The following ODF2 variants were observed in gnomAD, a reference collection of about 807,000 sequenced individuals.
ODF2 encodes the protein outer dense fiber protein 2.
A neutral mutation model predicts 110.2 loss-of-function variants in ODF2; 47 were observed. The ratio of observed to expected loss-of-function variants is 0.43; its 90% confidence interval spans 0.34 to 0.54. ODF2 has a LOEUF of 0.54. ODF2 is among the 20% of genes least tolerant of loss of function. ODF2 has a pLI of 0.03. For synonymous variants in ODF2, 352 were observed against 397.7 expected (o/e 0.89, Z 1.37); for missense variants, 812 against 1,054.5 (o/e 0.77, Z 3.19).
intron 18 of ODF2, 168 bp downstream of exon 18, chr9:128,496,309 G>A (rs780577500): frequency 7.3e-5 from 109 of 1,486,226 alleles, no homozygotes; most frequent in Non-Finnish European, 9.5e-5. Context: ...TAAGCATTGT[G>A]GGAGAGAGCA....
At chr9:128,473,024 C>T (rs778817799) in exon 7 of ODF2, 1 of 1,614,042 alleles carries the variant, frequency 6.2e-7, no homozygotes, top group South Asian at 1.1e-5. Context: ...TGAAGGATAC[C>T]ATCGGGAAGC....
At chr9:128,500,689 C>T, downstream of ODF2, 1 of 146,324 alleles carries the variant, frequency 6.8e-6, no homozygotes, top group South Asian at 2.1e-4. Flanking sequence ...CCATCACTTG[C>T]TTTTTTTTTT....
In ODF2 at chr9:128,482,898, T is replaced by C; in HGVS notation, c.987+11T>C. 2 of 140,690 alleles carry C rather than the reference T, an allele frequency of 1.4e-5. No individual in the cohort carries two copies. Among genetic ancestry groups the C allele is most frequent in the Non-Finnish European group, 2.5e-5 (2 of 81,146 alleles). 8.7% of individuals were successfully genotyped at this position (140,690 alleles called of 1,614,324 possible). ...ATACAATGTGAGAAGGTAGTGTGCT[T>C]TTTTTTTTTTTTTTTTTAGACGGAG... On this transcript the variant is annotated intron_variant, in intron 10 of 20. Transcript: ENST00000604420.
chr9:128,465,507 C>G (rs1837613385), intron 4 of ODF2, among the ~76,000 whole-genome samples: 1 of 152,076 alleles, frequency 6.6e-6, no homozygotes, highest in African/African-American at 2.4e-5. Flanking sequence ...CTTTGGGAGG[C>G]CAAGGCAGGC....
intron 10 of ODF2, among the ~76,000 whole-genome samples, chr9:128,483,622 C>T (rs1254013662): frequency 6.7e-6 from 1 of 150,372 alleles, no homozygotes; most frequent in African/African-American, 2.4e-5. Flanking sequence ...CGGTGGCTCA[C>T]GCCTGTAATC....
intron 19 of ODF2, 146 bp from the exon 20 acceptor site, chr9:128,498,855 T>A: frequency 8.8e-7 from 1 of 1,131,042 alleles, no homozygotes; most frequent in Non-Finnish European, 1.3e-6. Context: ...CCATAGTTAG[T>A]TCCTGCCCCA....
intron 10 of ODF2, among the ~76,000 whole-genome samples, 153 bp downstream of exon 10, chr9:128,483,040 C>T (rs1400064947): frequency 6.6e-6 from 1 of 151,994 alleles, no homozygotes; most frequent in Admixed American, 6.6e-5. Flanking sequence ...GGACTACAGG[C>T]GTGCGCCACC....
At chr9:128,456,683 C>T in intron 1 of ODF2, 4 of 1,423,948 alleles carry the variant, frequency 2.8e-6, no homozygotes, top group Non-Finnish European at 3.7e-6. Context: ...CTCCACATGG[C>T]AGTCACTTGT....
chr9:128,491,231 G>C (rs1464624926), intron 14 of ODF2, among the ~76,000 whole-genome samples: 1 of 151,968 alleles, frequency 6.6e-6, no homozygotes, highest in African/African-American at 2.4e-5. Flanking sequence ...TTTTAGTAGA[G>C]ATGAGGTTTC....
Position 128,490,702 on chromosome 9 carries a change from T to TC in ODF2, c.1537-1719dup, listed in dbSNP as rs572217966. 3.9e-4 allele frequency among the ~76,000 whole-genome samples: 60 copies of TC among 152,288 alleles called. 1 individual carries two copies. Among genetic ancestry groups the TC allele is most frequent in the African/African-American group, 1.4e-3 (60 of 41,566 alleles). ...CATGAACATATATTTTTCTAGATTA[T>TC]CCCCCAGTACTAACATATCAAGCAC... On this transcript the variant is annotated intron_variant, in intron 14 of 20. Coordinates refer to ENST00000604420, the Ensembl canonical transcript of ODF2.
chr9:128,463,939 G>A (rs1837179015), intron 4 of ODF2, among the ~76,000 whole-genome samples: 1 of 152,030 alleles, frequency 6.6e-6, no homozygotes. Flanking sequence ...CCACCTCCTG[G>A]GTACAAGCGA....
In ODF2 at chr9:128,484,447, C is replaced by T. The variant is rs559793542; in HGVS notation, c.1105-254C>T. On this transcript the variant is annotated intron_variant, in intron 11 of 20. Coordinates refer to ENST00000604420, the Ensembl canonical transcript of ODF2. Reference sequence around the variant, plus strand: ...AAGGCTGGGAGTTCAGGGAAGGATTCCAGAGCAGTTCTGACCTAATATCAA... The same window carrying T: ...AAGGCTGGGAGTTCAGGGAAGGATTTCAGAGCAGTTCTGACCTAATATCAA... Among the ~76,000 whole-genome samples, 4 of 152,252 alleles carry T rather than the reference C, an allele frequency of 2.6e-5. No homozygotes were observed. In the East Asian group the frequency reaches 7.7e-4, roughly 29 times the overall value.
At chr9:128,457,269 T>C (rs143608189) in exon 2 of ODF2, 1 of 1,600,072 alleles carries the variant, frequency 6.2e-7, no homozygotes, top group Non-Finnish European at 8.5e-7. Context: ...ACCCCAAAGC[T>C]TCCACCCTTC....
chr9:128,493,063 T>G (rs568147335), intron 16 of ODF2, among the ~76,000 whole-genome samples: 7 of 151,748 alleles, frequency 4.6e-5, no homozygotes, highest in Non-Finnish European at 7.4e-5. Flanking sequence ...CTACCTCCTT[T>G]TCAATTTTCT....
At chr9:128,479,776 C>T (rs1453948231) in intron 8 of ODF2, among the ~76,000 whole-genome samples, 1 of 152,072 alleles carries the variant, frequency 6.6e-6, no homozygotes, top group Non-Finnish European at 1.5e-5. Context: ...GGAGAGGTTC[C>T]ACATGCCATG....
At chr9:128,482,970 G>C (rs561144765) in intron 10 of ODF2, 83 bp downstream of exon 10, 2 of 1,056,950 alleles carry the variant, frequency 1.9e-6, no homozygotes, top group African/African-American at 1.6e-5. Context: ...ATCTCAGCTC[G>C]CTGCAACCTC....
At chr9:128,484,751 G>A (rs1252282927) in exon 12 of ODF2, 1 of 1,603,380 alleles carries the variant, frequency 6.2e-7, no homozygotes. Context: ...AGGCCATCAT[G>A]GAGCAGCTGA....
intron 14 of ODF2, 61 bp downstream of exon 14, chr9:128,488,086 C>T: frequency 6.3e-7 from 1 of 1,597,918 alleles, no homozygotes. Context: ...GATGAGGGGT[C>T]TTGTCTTACG....
At chr9:128,472,796 C>T in intron 6 of ODF2, 117 bp from the exon 7 acceptor site, 1 of 1,495,016 alleles carries the variant, frequency 6.7e-7, no homozygotes, top group Admixed American at 1.9e-5. Flanking sequence ...GTCCCTGCCC[C>T]CTCCCCTACT....
Sources: allele counts gnomAD v4.1 joint callset (sites outside exome capture counted in the v4.1 genomes callset), GRCh38; gene constraint gnomAD v4.1.1; transcripts MANE v1.5; gene names NCBI Gene and HGNC (gene_info 2026-07-23, HGNC 2026-07-21).